The following RGS7 variants were observed in gnomAD, a reference collection of about 807,000 sequenced individuals.
RGS7 encodes regulator of G-protein signaling 7.
A neutral mutation model predicts 81.1 loss-of-function variants in RGS7; 27 were observed. That is an observed-to-expected ratio of 0.33 (90% CI 0.25 to 0.46). The LOEUF (loss-of-function observed/expected upper bound fraction) is 0.46. Ranked by LOEUF, RGS7 falls within the 20% of genes least tolerant of loss-of-function variation. The pLI, the probability that RGS7 is intolerant of heterozygous loss-of-function variation, is 1.00. For missense variants in RGS7, 396 were observed against 607.4 expected, an observed-to-expected ratio of 0.65 and a Z score of 3.66; for synonymous variants, 208 against 207.7, an observed-to-expected ratio of 1.00 and a Z score of -0.01.
At chr1:240,963,718 G>A (rs1681837596) in intron 4 of RGS7, among the ~76,000 whole-genome samples, 3 of 152,214 alleles carry the variant, frequency 2.0e-5, no homozygotes, top group African/African-American at 7.2e-5. Flanking sequence ...ATGCAGCTGA[G>A]TTTGTGAAAA....
At chr1:241,296,648 C>A (rs1441120201) in intron 2 of RGS7, among the ~76,000 whole-genome samples, 2 of 152,218 alleles carry the variant, frequency 1.3e-5, no homozygotes, top group East Asian at 3.9e-4. Flanking sequence ...ACCACAGCAA[C>A]CAACAGAGCA....
intron 2 of RGS7, among the ~76,000 whole-genome samples, chr1:241,182,504 C>T (rs1240779448): frequency 2.0e-5 from 3 of 152,190 alleles, no homozygotes; most frequent in Non-Finnish European, 4.4e-5. Flanking sequence ...TTCACACGCT[C>T]AGGTGCCAGC....
intron 2 of RGS7, among the ~76,000 whole-genome samples, chr1:241,233,241 AATT>A (rs1375021252): frequency 1.3e-5 from 2 of 152,240 alleles, no homozygotes; most frequent in South Asian, 2.1e-4. Flanking sequence ...GGGACATTCA[AATT>A]ATTATCTTCT....
At chr1:241,203,955 G>A (rs2073701580) in intron 2 of RGS7, among the ~76,000 whole-genome samples, 1 of 152,246 alleles carries the variant, frequency 6.6e-6, no homozygotes, top group South Asian at 2.1e-4. Flanking sequence ...TTATCTTCCC[G>A]AAATGATAAC....
chr1:241,231,894 T>C (rs933553500), intron 2 of RGS7, among the ~76,000 whole-genome samples: 2 of 152,228 alleles, frequency 1.3e-5, no homozygotes, highest in African/African-American at 4.8e-5. Flanking sequence ...TAAAAACTCA[T>C]TGCCTAACTC....
At chr1:241,169,972 G>A (rs2070606721) in intron 2 of RGS7, among the ~76,000 whole-genome samples, 1 of 152,004 alleles carries the variant, frequency 6.6e-6, no homozygotes, top group Admixed American at 6.6e-5. Context: ...TCAGATCTCG[G>A]TGGGTATCTT....
At chr1:241,045,691 C>T (rs1204278832) in intron 3 of RGS7, among the ~76,000 whole-genome samples, 1 of 152,160 alleles carries the variant, frequency 6.6e-6, no homozygotes, top group Non-Finnish European at 1.5e-5. Context: ...ACAGTGAACG[C>T]TATTCTACGC....
At chr1:241,322,233 T>G (rs1410710071) in intron 2 of RGS7, among the ~76,000 whole-genome samples, 1 of 152,240 alleles carries the variant, frequency 6.6e-6, no homozygotes, top group Non-Finnish European at 1.5e-5. Flanking sequence ...CTTGCTCACC[T>G]TTATAAGTAA....
intron 3 of RGS7, among the ~76,000 whole-genome samples, chr1:241,006,568 T>G (rs1407940668): frequency 1.3e-5 from 2 of 152,160 alleles, no homozygotes; most frequent in Non-Finnish European, 1.5e-5. Context: ...CAATGAAAGA[T>G]TAAAACAACA....
intron 4 of RGS7, among the ~76,000 whole-genome samples, chr1:240,968,405 A>G (rs1310249388): frequency 6.6e-6 from 1 of 152,220 alleles, no homozygotes; most frequent in African/African-American, 2.4e-5. Flanking sequence ...CTCCTGTGAA[A>G]TGGAGATAAT....
chr1:240,850,985 A>T (rs1308924773), intron 9 of RGS7, among the ~76,000 whole-genome samples: 1 of 152,244 alleles, frequency 6.6e-6, no homozygotes, highest in Middle Eastern at 3.2e-3. Flanking sequence ...CCATCTCCAT[A>T]ACATAAAAGT....
chr1:240,839,610 G>C (rs1485654610), intron 9 of RGS7, among the ~76,000 whole-genome samples: 1 of 152,130 alleles, frequency 6.6e-6, no homozygotes, highest in Non-Finnish European at 1.5e-5. Context: ...CTGAGAGCTA[G>C]AAATTTGTTC....
rs1682007598 is a variant in RGS7 at position 240,964,721 on chromosome 1, A to G, written c.226+18358T>C. ...TGCAAACCTGATTTATTTGGTTACT[A>G]TTTTATCACCCTATCATATTGCAGA... On this transcript the variant is annotated intron_variant, in intron 4 of 18. Transcript: ENST00000440928. Among the ~76,000 whole-genome samples the G allele has an allele frequency of 2.0e-5, 3 of 152,200 alleles. No homozygotes were observed. In the South Asian group the frequency reaches 6.2e-4, roughly 31 times the overall value.
rs1679120747 is a variant in RGS7, at chr1:240,949,044, A to G, written c.227-12338T>C. ...AATGCACAGTCTTTTAATACACAGTATGAGTGAAAGAAAAGACATTTCAAG... is the reference window on the plus strand; with the variant it reads ...AATGCACAGTCTTTTAATACACAGTGTGAGTGAAAGAAAAGACATTTCAAG... On this transcript the variant is annotated intron_variant, in intron 4 of 18. Transcript: ENST00000440928. Among the ~76,000 whole-genome samples the G allele has an allele frequency of 2.0e-5, 3 of 152,120 alleles. No individual in the cohort carries two copies. In the South Asian group the frequency reaches 6.2e-4, roughly 31 times the overall value.
At chr1:240,980,345 C>T (rs527837082) in intron 4 of RGS7, among the ~76,000 whole-genome samples, 2 of 152,308 alleles carry the variant, frequency 1.3e-5, no homozygotes, top group South Asian at 4.1e-4. Context: ...CTCCCATACC[C>T]AGAATTAGTC....
chr1:241,274,850 A>C (rs1009006849), intron 2 of RGS7, among the ~76,000 whole-genome samples: 3 of 152,212 alleles, frequency 2.0e-5, no homozygotes, highest in Non-Finnish European at 4.4e-5. Flanking sequence ...CTGAGAAATT[A>C]GACTGAATTA....
At chr1:241,072,505 C>T (rs947805181) in intron 3 of RGS7, among the ~76,000 whole-genome samples, 2 of 152,134 alleles carry the variant, frequency 1.3e-5, no homozygotes, top group African/African-American at 2.4e-5. Flanking sequence ...TTTTCCCCCT[C>T]GCCCTTCTTG....
intron 9 of RGS7, among the ~76,000 whole-genome samples, chr1:240,838,090 C>G (rs2147863081): frequency 6.6e-6 from 1 of 152,238 alleles, no homozygotes; most frequent in South Asian, 2.1e-4. Context: ...AACAAAATAC[C>G]ATAAACCAGG....
chr1:240,781,362 T>C, intron 18 of RGS7, among the ~76,000 whole-genome samples: 1 of 152,186 alleles, frequency 6.6e-6, no homozygotes, highest in East Asian at 1.9e-4. Flanking sequence ...CCCCCGCACT[T>C]TGGGAGGCCA....
Sources: gnomAD v4.1 joint callset for allele counts (sites outside exome capture counted in the v4.1 genomes callset) on GRCh38, gnomAD v4.1.1 for gene constraint, MANE v1.5 for transcripts, NCBI Gene and HGNC (gene_info 2026-07-23, HGNC 2026-07-21) for gene names.